The following CSE1L variants were observed in gnomAD, a reference collection of about 807,000 sequenced individuals.
CSE1L encodes exportin-2.
A neutral mutation model predicts 120.4 loss-of-function variants in CSE1L; 24 were observed. That is an observed-to-expected ratio of 0.20 (90% CI 0.14 to 0.28). The LOEUF (loss-of-function observed/expected upper bound fraction) is 0.28. Among genes scored for constraint, CSE1L ranks in the 10% least tolerant of loss-of-function variants. The pLI is 1.00. For missense variants in CSE1L, 830 were observed against 1,145.2 expected, an observed-to-expected ratio of 0.72 and a Z score of 3.97; for synonymous variants, 402 against 398.3, an observed-to-expected ratio of 1.01 and a Z score of -0.11.
Position 49,066,301 on chromosome 20 carries a change from C to T in CSE1L, c.330+8C>T, listed in dbSNP as rs113366638. On this transcript the variant is annotated splice_region_variant and intron_variant, in intron 4 of 24. Coordinates refer to ENST00000262982, the MANE Select transcript of CSE1L (RefSeq NM_001316.4). The stretch of plus-strand genomic sequence containing the variant: ...GAGCAAATTCAGAAGCAGGTAATGT[C>T]GCTCCACTTTTTAGATGGGCTCCTC... The T allele has an allele frequency of 6.2e-6, 10 of 1,614,084 alleles. No homozygotes were observed. The highest frequency in any genetic ancestry group is 2.7e-5 in the African/African-American group (2 of 75,022).
At chr20:49,065,650 G>T (rs1229753305) in intron 3 of CSE1L, among the ~76,000 whole-genome samples, 1 of 133,934 alleles carries the variant, frequency 7.5e-6, no homozygotes, top group East Asian at 2.2e-4. Flanking sequence ...CTGGAGTGCA[G>T]CGGCACCATC....
intron 12 of CSE1L, among the ~76,000 whole-genome samples, chr20:49,076,093 G>C (rs2091966215): frequency 6.6e-6 from 1 of 152,000 alleles, no homozygotes; most frequent in South Asian, 2.1e-4. Flanking sequence ...CAGCCTCCCA[G>C]AGTGCTGGGA....
At chr20:49,051,135 C>T (rs533626857) in intron 1 of CSE1L, among the ~76,000 whole-genome samples, 1 of 152,220 alleles carries the variant, frequency 6.6e-6, no homozygotes, top group South Asian at 2.1e-4. Flanking sequence ...ATTAATATGC[C>T]TGATAAAATG....
At chr20:49,061,136 T>C (rs1370787990) in intron 2 of CSE1L, among the ~76,000 whole-genome samples, 1 of 151,970 alleles carries the variant, frequency 6.6e-6, no homozygotes, top group Non-Finnish European at 1.5e-5. Flanking sequence ...TCTTAGACTT[T>C]CAAAGAAAGC....
intron 2 of CSE1L, among the ~76,000 whole-genome samples, chr20:49,059,303 T>C (rs930827283): frequency 5.3e-5 from 8 of 152,210 alleles, no homozygotes; most frequent in African/African-American, 1.9e-4. Context: ...GAGCTTTTTT[T>C]TTCCTTCCTG....
At chr20:49,084,240 A>C in intron 15 of CSE1L, 78 bp downstream of exon 15, 3 of 1,362,444 alleles carry the variant, frequency 2.2e-6, no homozygotes, top group Non-Finnish European at 3.0e-6. Flanking sequence ...GAATGTTTTC[A>C]TAATTTCACT....
At chr20:49,081,334 A>T (rs2092011580) in intron 14 of CSE1L, among the ~76,000 whole-genome samples, 2 of 152,104 alleles carry the variant, frequency 1.3e-5, no homozygotes, top group Non-Finnish European at 2.9e-5. Context: ...CCCAGGCTGG[A>T]GTGCAGTGAC....
intron 22 of CSE1L, 116 bp from the exon 23 acceptor site, chr20:49,094,021 ACAG>A (rs3835258): frequency 0.4 from 274,367 of 680,986 alleles, 56,419 homozygotes; most frequent in Middle Eastern, 0.48. Flanking sequence ...ATGATCAAAA[ACAG>A]CAGTCTTGTT....
At chr20:49,073,817 G>C (rs1270470833) in intron 10 of CSE1L, among the ~76,000 whole-genome samples, 1 of 152,072 alleles carries the variant, frequency 6.6e-6, no homozygotes, top group Non-Finnish European at 1.5e-5. Flanking sequence ...ATAGTTATTA[G>C]ATCAGTGGTT....
chr20:49,086,933 T>C (rs2145748264), intron 16 of CSE1L, among the ~76,000 whole-genome samples: 1 of 152,280 alleles, frequency 6.6e-6, no homozygotes, highest in South Asian at 2.1e-4. Flanking sequence ...TAGCAATCTG[T>C]TGAAGGGTGG....
At chr20:49,063,142 G>GAT (rs2091865128) in intron 2 of CSE1L, 60 bp from the exon 3 acceptor site, 3 of 870,916 alleles carry the variant, frequency 3.4e-6, no homozygotes, top group African/African-American at 3.6e-5. Flanking sequence ...ATATATATTT[G>GAT]ATATATATAA....
At chr20:49,053,527 T>G (rs2091784964) in intron 1 of CSE1L, among the ~76,000 whole-genome samples, 1 of 151,638 alleles carries the variant, frequency 6.6e-6, no homozygotes, top group South Asian at 2.1e-4. Context: ...CATGGCTAAT[T>G]TTTAGTAGAG....
intron 14 of CSE1L, among the ~76,000 whole-genome samples, chr20:49,080,016 G>T (rs1002570338): frequency 6.6e-6 from 1 of 152,182 alleles, no homozygotes; most frequent in Admixed American, 6.5e-5. Context: ...GAAGGTTGCA[G>T]TGAGCCAAGA....
chr20:49,062,847 C>T (rs947338600), intron 2 of CSE1L, among the ~76,000 whole-genome samples: 8 of 151,746 alleles, frequency 5.3e-5, no homozygotes, highest in African/African-American at 1.7e-4. Flanking sequence ...ACTAATAGTA[C>T]TAATAATACT....
rs751811344 is a variant in CSE1L, at chr20:49,066,465, A to G, written c.431A>G (p.His144Arg). 1 of 1,614,176 alleles carries G rather than the reference A, an allele frequency of 6.2e-7. No individual in the cohort carries two copies. The highest frequency in any genetic ancestry group is 8.5e-7 in the Non-Finnish European group (1 of 1,179,992). Residue 144 changes from histidine to arginine, a missense_variant, in exon 5 of 25, where the codon CAT (histidine) becomes CGT (arginine). His to Arg is a conservative substitution (Grantham distance 29, BLOSUM62 0). This residue lies in a region of CSE1L where 543 missense variants were observed against 640.2 expected (regional missense o/e 0.85). Coordinates refer to ENST00000262982, the MANE Select transcript of CSE1L (RefSeq NM_001316.4). ...MVNRFQSGDF[H>R]VINGVLRTAH... The stretch of plus-strand genomic sequence containing the variant: ...AATCGCTTTCAGAGTGGAGATTTCC[A>G]TGTTATTAATGGAGTCCTCCGTACA...
chr20:49,067,928 C>CTTT (rs10567768), intron 6 of CSE1L, among the ~76,000 whole-genome samples: 1,807 of 78,440 alleles, frequency 0.023, 11 homozygotes, highest in Non-Finnish European at 0.027. Context: ...TTCCCTCTCT[C>CTTT]TTTTTTTTTT....
At chr20:49,081,281 C>T (rs149478381) in intron 14 of CSE1L, among the ~76,000 whole-genome samples, 7 of 152,018 alleles carry the variant, frequency 4.6e-5, no homozygotes, top group South Asian at 2.1e-4. Context: ...CTACCACGCC[C>T]GGCCCATTTC....
chr20:49,047,728 C>G (rs953598259), intron 1 of CSE1L, among the ~76,000 whole-genome samples: 1 of 151,656 alleles, frequency 6.6e-6, no homozygotes, highest in African/African-American at 2.4e-5. Context: ...AGGTCTGAGA[C>G]TACACGCCAC....
chr20:49,080,560 T>C (rs918421156), intron 14 of CSE1L, among the ~76,000 whole-genome samples: 2 of 152,224 alleles, frequency 1.3e-5, no homozygotes, highest in African/African-American at 4.8e-5. Context: ...CACCGCAACA[T>C]GCGTCTCCCG....
Sources: gnomAD v4.1 joint callset for allele counts (sites outside exome capture counted in the v4.1 genomes callset) on GRCh38, gnomAD v4.1.1 for gene constraint, gnomAD v4.1.1 regional missense constraint, MANE v1.5 for transcripts, NCBI Gene and HGNC (gene_info 2026-07-23, HGNC 2026-07-21) for gene names.